AUTS2: variants seen among roughly 807,000 people sequenced by gnomAD.
AUTS2 encodes the protein autism susceptibility gene 2 protein.
A neutral mutation model predicts 112.4 loss-of-function variants in AUTS2; 17 were observed. The ratio of observed to expected loss-of-function variants is 0.15; its 90% CI spans 0.10 to 0.23. The LOEUF is 0.23. AUTS2 is among the 10% of genes least tolerant of loss of function. The pLI is 1.00. For synonymous variants in AUTS2, 751 were observed against 702.7 expected, an observed-to-expected ratio of 1.07 and a Z score of -1.09; for missense variants, 1,510 against 1,701.6, an observed-to-expected ratio of 0.89 and a Z score of 1.98.
intron 2 of AUTS2, among the ~76,000 whole-genome samples, chr7:70,105,166 C>G (rs2129570252): frequency 6.6e-6 from 1 of 152,168 alleles, no homozygotes; most frequent in Non-Finnish European, 1.5e-5. Context: ...TCTTTCTCAG[C>G]TTTAGTTTAT....
Position 70,367,561 on chromosome 7 carries a change from A to G in AUTS2, c.661-68191A>G, listed in dbSNP as rs576354971. On this transcript the variant is annotated intron_variant, in intron 4 of 18. Coordinates refer to ENST00000342771, the MANE Select transcript of AUTS2 (RefSeq NM_015570.4). ...ACAGAGCGAGACTCTGTCTCAAAAA[A>G]AAAAAAAATTGTAAAAAATAATAAT... Among the ~76,000 whole-genome samples, 581 of 149,928 alleles carry G rather than the reference A, an allele frequency of 3.9e-3. 2 individuals are homozygous for G. The highest frequency in any genetic ancestry group is 0.021 in the Middle Eastern group (6 of 292).
At chr7:70,352,573 G>A (rs1791817111) in intron 4 of AUTS2, among the ~76,000 whole-genome samples, 1 of 152,102 alleles carries the variant, frequency 6.6e-6, no homozygotes, top group South Asian at 2.1e-4. Context: ...GGAGTCAGCA[G>A]CAACAGAAGG....
chr7:69,825,261 C>T (rs982221677), intron 1 of AUTS2, among the ~76,000 whole-genome samples: 4 of 152,174 alleles, frequency 2.6e-5, no homozygotes, highest in Non-Finnish European at 1.5e-5. Flanking sequence ...CAATGGTTCT[C>T]AACCCTGGGG....
At chr7:70,284,403 G>A (rs976247317) in intron 4 of AUTS2, among the ~76,000 whole-genome samples, 4 of 152,060 alleles carry the variant, frequency 2.6e-5, no homozygotes, top group Non-Finnish European at 5.9e-5. Context: ...TGGATTGCTG[G>A]ATCAAAGGCT....
At chr7:70,123,674 A>G (rs1179924291) in intron 3 of AUTS2, among the ~76,000 whole-genome samples, 2 of 152,166 alleles carry the variant, frequency 1.3e-5, no homozygotes, top group African/African-American at 4.8e-5. Context: ...TGCAAAAGAC[A>G]TGATCTTGTT....
chr7:69,708,302 T>C (rs1192984949), intron 1 of AUTS2, among the ~76,000 whole-genome samples: 1 of 101,348 alleles, frequency 9.9e-6, no homozygotes, highest in Non-Finnish European at 2.3e-5. Flanking sequence ...AGAAAAACCT[T>C]TTTGAGTCTC....
chr7:70,606,811 G>A (rs188701290), intron 5 of AUTS2, among the ~76,000 whole-genome samples: 46 of 150,112 alleles, frequency 3.1e-4, no homozygotes, highest in Admixed American at 1.9e-3. Flanking sequence ...GCAGTGAGTC[G>A]AGATTGTGCC....
At chr7:69,857,510 T>C (rs1323685145) in intron 1 of AUTS2, among the ~76,000 whole-genome samples, 1 of 152,256 alleles carries the variant, frequency 6.6e-6, no homozygotes, top group Non-Finnish European at 1.5e-5. Flanking sequence ...ATAATTGCTA[T>C]AATTGCTTCT....
intron 1 of AUTS2, among the ~76,000 whole-genome samples, chr7:69,745,823 G>A (rs886834181): frequency 1.3e-5 from 2 of 152,090 alleles, no homozygotes; most frequent in Admixed American, 1.3e-4. Context: ...TAGATGTCTT[G>A]CCAATTGTGT....
intron 5 of AUTS2, among the ~76,000 whole-genome samples, chr7:70,562,077 C>A (rs955123321): frequency 9.2e-5 from 14 of 152,178 alleles, no homozygotes; most frequent in Non-Finnish European, 2.1e-4. Flanking sequence ...ACTACCCTTG[C>A]CTTCTGCCTC....
intron 1 of AUTS2, among the ~76,000 whole-genome samples, chr7:69,777,005 C>G (rs1401694318): frequency 1.3e-5 from 2 of 152,108 alleles, no homozygotes; most frequent in Non-Finnish European, 2.9e-5. Flanking sequence ...TCAGGGAGCC[C>G]TTATTTGAGT....
intron 1 of AUTS2, among the ~76,000 whole-genome samples, chr7:69,690,402 G>T (rs1342262758): frequency 2.0e-5 from 3 of 152,202 alleles, no homozygotes; most frequent in Non-Finnish European, 4.4e-5. Context: ...GCTCCGGCCT[G>T]CTGGGCTTGT....
intron 2 of AUTS2, among the ~76,000 whole-genome samples, chr7:70,025,801 G>A (rs1227291859): frequency 7.0e-6 from 1 of 143,594 alleles, no homozygotes; most frequent in Non-Finnish European, 1.5e-5. Context: ...TTTTTAATAG[G>A]ATGCTGAAGG....
At chr7:70,406,032 C>G (rs936318880) in intron 4 of AUTS2, among the ~76,000 whole-genome samples, 4 of 152,052 alleles carry the variant, frequency 2.6e-5, no homozygotes, top group African/African-American at 7.3e-5. Flanking sequence ...CAGTCCTCCC[C>G]CTGAAGGTAT....
chr7:70,120,454 CA>C (rs998682623), intron 3 of AUTS2: 1 of 152,102 alleles, frequency 6.6e-6, no homozygotes, highest in African/African-American at 2.4e-5. Flanking sequence ...TGGAGCTATA[CA>C]ACCATAAAAC....
At chr7:70,659,509 G>A (rs1375788097) in intron 5 of AUTS2, among the ~76,000 whole-genome samples, 1 of 152,174 alleles carries the variant, frequency 6.6e-6, no homozygotes, top group Non-Finnish European at 1.5e-5. Context: ...CCCCGGGCAT[G>A]TTAACTGAGC....
chr7:70,449,636 G>A (rs1199152958), intron 5 of AUTS2, among the ~76,000 whole-genome samples: 1 of 152,154 alleles, frequency 6.6e-6, no homozygotes, highest in African/African-American at 2.4e-5. Context: ...AGCTGCCTGG[G>A]TCATCCAAAG....
intron 5 of AUTS2, among the ~76,000 whole-genome samples, chr7:70,686,082 C>A (rs1808463088): frequency 6.6e-6 from 1 of 152,254 alleles, no homozygotes. Flanking sequence ...CACCTGTCAA[C>A]AGACCTTACA....
At chr7:69,903,374 A>T (rs1328819209) in intron 2 of AUTS2, among the ~76,000 whole-genome samples, 1 of 151,566 alleles carries the variant, frequency 6.6e-6, no homozygotes, top group Non-Finnish European at 1.5e-5. Flanking sequence ...GAGAATTCTT[A>T]AAAAATTTAG....
Sources: allele counts gnomAD v4.1 joint callset (sites outside exome capture counted in the v4.1 genomes callset), GRCh38; gene constraint gnomAD v4.1.1; transcripts MANE v1.5; gene names NCBI Gene and HGNC (gene_info 2026-07-23, HGNC 2026-07-21).